The following STX17 variants were observed in gnomAD, a reference collection of about 807,000 sequenced individuals.
STX17 encodes the protein syntaxin-17.
In STX17, 29 loss-of-function variants were observed where a neutral mutation model predicts 35.9. The ratio of observed to expected loss-of-function variants is 0.81; its 90% confidence interval spans 0.60 to 1.10. The LOEUF is 1.10. Ranked by LOEUF, STX17 falls within the 50% of genes least tolerant of loss-of-function variation. The probability of loss-of-function intolerance (pLI) is 0.00; values close to 1 mark genes in which losing one functional copy is unlikely to be tolerated. For synonymous variants in STX17, 92 were observed against 118.3 expected, an observed-to-expected ratio of 0.78 and a Z score of 1.44; for missense variants, 312 against 352.3, an observed-to-expected ratio of 0.89 and a Z score of 0.92.
At chr9:99,932,966 A>G (rs925179010) in intron 3 of STX17, among the ~76,000 whole-genome samples, 1 of 152,152 alleles carries the variant, frequency 6.6e-6, no homozygotes, top group Non-Finnish European at 1.5e-5. Flanking sequence ...ATGTAGTTTA[A>G]ATTATCAATC....
chr9:99,912,712 A>G (rs747590198), intron 1 of STX17, among the ~76,000 whole-genome samples: 1 of 152,208 alleles, frequency 6.6e-6, no homozygotes, highest in African/African-American at 2.4e-5. Flanking sequence ...TAAAATTGTG[A>G]AGCATCTACG....
chr9:99,933,132 C>A (rs565454332), intron 3 of STX17, among the ~76,000 whole-genome samples: 1 of 152,102 alleles, frequency 6.6e-6, no homozygotes, highest in Non-Finnish European at 1.5e-5. Flanking sequence ...AGGTAGACAT[C>A]AATAAAATTT....
rs933647473 is a variant in STX17, at chr9:99,970,032, T to G, written c.*1359T>G. 2.6e-5 allele frequency: 4 copies of G among 152,628 alleles called. No individual in the cohort carries two copies. The highest frequency in any genetic ancestry group is 1.9e-4 in the East Asian group (1 of 5,196). 9.5% of individuals were successfully genotyped at this position (152,628 alleles called of 1,614,324 possible). On this transcript the variant is annotated 3_prime_UTR_variant, in exon 8 of 8. Coordinates refer to ENST00000259400, the MANE Select transcript of STX17 (RefSeq NM_017919.3). ...CAAGACTACAGGCAGCTCCCCTCTG[T>G]ACCCCAACTCATTTAAAATAGGAGG...
chr9:99,929,695 GTTAAA>G (rs1829071578), intron 3 of STX17: 1 of 150,756 alleles, frequency 6.6e-6, no homozygotes, highest in South Asian at 2.1e-4. Flanking sequence ...ACAATTTTTG[GTTAAA>G]TTAATATAAT....
intron 3 of STX17, among the ~76,000 whole-genome samples, chr9:99,947,494 A>T (rs1431200202): frequency 1.3e-5 from 2 of 152,128 alleles, no homozygotes; most frequent in Non-Finnish European, 2.9e-5. Context: ...TGATTGGTGG[A>T]CATTGTATTT....
chr9:99,934,053 GATTA>G (rs1200303214), intron 3 of STX17, among the ~76,000 whole-genome samples: 3 of 152,154 alleles, frequency 2.0e-5, no homozygotes, highest in East Asian at 1.9e-4. Context: ...GTCAGAATAT[GATTA>G]ATTGACAATT....
At chr9:99,939,845 TCTG>T (rs1028059101) in intron 3 of STX17, among the ~76,000 whole-genome samples, 4 of 152,236 alleles carry the variant, frequency 2.6e-5, no homozygotes, top group African/African-American at 9.6e-5. Context: ...GTTACATAGT[TCTG>T]CTCTCTCTGC....
intron 3 of STX17, among the ~76,000 whole-genome samples, chr9:99,941,792 G>T (rs1310603819): frequency 6.6e-6 from 1 of 152,072 alleles, no homozygotes; most frequent in Admixed American, 6.6e-5. Flanking sequence ...TGTCTGGCTT[G>T]TCATTTACCT....
In STX17 at chr9:99,973,108, T is replaced by C. The variant is rs1396195440; in HGVS notation, c.*4435T>C. On this transcript the variant is annotated 3_prime_UTR_variant, in exon 8 of 8. Coordinates refer to ENST00000259400, the MANE Select transcript of STX17 (RefSeq NM_017919.3). ...TGATGCCCTTTTACAAAGAAACTTCTTAGGTATTATAAACCATCAATGTAA... is the reference window on the plus strand; with the variant it reads ...TGATGCCCTTTTACAAAGAAACTTCCTAGGTATTATAAACCATCAATGTAA... Among the ~76,000 whole-genome samples, 1 of 152,148 alleles carries C rather than the reference T, an allele frequency of 6.6e-6. No individual in the cohort carries two copies. The highest frequency in any genetic ancestry group is 1.9e-4 in the East Asian group (1 of 5,196).
chr9:99,955,050 G>A (rs1447757485), intron 4 of STX17, among the ~76,000 whole-genome samples: 1 of 152,038 alleles, frequency 6.6e-6, no homozygotes, highest in Non-Finnish European at 1.5e-5. Context: ...TCCACCAAGT[G>A]AAGTGAGGAG....
At chr9:99,937,727 A>G (rs1829265253) in intron 3 of STX17, among the ~76,000 whole-genome samples, 2 of 152,046 alleles carry the variant, frequency 1.3e-5, no homozygotes, top group African/African-American at 4.8e-5. Context: ...ATTTCAGTTC[A>G]GTGATTATTT....
At chr9:99,922,787 C>T (rs1356064836) in intron 2 of STX17, among the ~76,000 whole-genome samples, 2 of 152,196 alleles carry the variant, frequency 1.3e-5, no homozygotes, top group African/African-American at 4.8e-5. Context: ...ATTCACTAGT[C>T]TAATCTTACT....
intron 1 of STX17, chr9:99,914,291 G>A (rs1261472302): frequency 1.3e-5 from 2 of 152,184 alleles, no homozygotes; most frequent in African/African-American, 4.8e-5. Flanking sequence ...TACAATGGTG[G>A]CTTTCAAGCT....
rs1477501080 is a variant in STX17 at position 99,915,251 on chromosome 9, TGAA to T, written c.16_18del (p.Glu6del). 6.2e-7 allele frequency: 1 copy of T among 1,610,456 alleles called. No individual in the cohort carries two copies. The highest frequency in any genetic ancestry group is 1.3e-5 in the African/African-American group (1 of 74,702). On this transcript the variant is annotated inframe_deletion, in exon 2 of 8. Coordinates refer to ENST00000259400, the MANE Select transcript of STX17 (RefSeq NM_017919.3). The stretch of plus-strand genomic sequence containing the variant: ...AACATTTTTTTAGGATGTCTGAAGA[TGAA>T]GAAAAAGTGAAATTACGCCGTCTTG...
chr9:99,940,282 C>T (rs1007571398), intron 3 of STX17, among the ~76,000 whole-genome samples: 1 of 151,768 alleles, frequency 6.6e-6, no homozygotes, highest in African/African-American at 2.4e-5. Flanking sequence ...AGGTGCCCAC[C>T]ACCATGCCTG....
At chr9:99,923,712 G>A (rs1828934127) in intron 2 of STX17, among the ~76,000 whole-genome samples, 1 of 152,174 alleles carries the variant, frequency 6.6e-6, no homozygotes, top group South Asian at 2.1e-4. Flanking sequence ...CCAGTCACAA[G>A]TCCAGGCCCT....
rs897097022 is a variant in STX17 at position 99,971,523 on chromosome 9, C to T, written c.*2850C>T. Among the ~76,000 whole-genome samples the T allele has an allele frequency of 1.3e-5, 2 of 151,742 alleles. No individual in the cohort carries two copies. The highest frequency in any genetic ancestry group is 4.8e-5 in the African/African-American group (2 of 41,332). On this transcript the variant is annotated 3_prime_UTR_variant, in exon 8 of 8. Transcript: ENST00000259400. The stretch of plus-strand genomic sequence containing the variant: ...GCAACCCTTAGCTTGAAAAAAACAC[C>T]CTCACAGAGGAACTGGTATTTCTTG...
Position 99,974,432 on chromosome 9 carries a change from T to G in STX17, c.*5759T>G, listed in dbSNP as rs1022917005. Among the ~76,000 whole-genome samples the G allele has an allele frequency of 5.3e-5, 8 of 152,222 alleles. No individual in the cohort carries two copies. Among genetic ancestry groups the G allele is most frequent in the Non-Finnish European group, 1.0e-4 (7 of 68,040 alleles). On this transcript the variant is annotated 3_prime_UTR_variant, in exon 8 of 8. Coordinates refer to ENST00000259400, the MANE Select transcript of STX17 (RefSeq NM_017919.3). ...CGAGAAAAGGCCCAATGGCAAGAAT[T>G]TCTGCAAACTCTGTAAAGCTTACTG...
At chr9:99,910,781 C>T (rs927439378) in intron 1 of STX17, among the ~76,000 whole-genome samples, 1 of 152,176 alleles carries the variant, frequency 6.6e-6, no homozygotes, top group African/African-American at 2.4e-5. Flanking sequence ...TGTATTCCTT[C>T]TATCTAACTG....
Sources: allele counts gnomAD v4.1 joint callset (sites outside exome capture counted in the v4.1 genomes callset), GRCh38; gene constraint gnomAD v4.1.1; transcripts MANE v1.5; gene names NCBI Gene and HGNC (gene_info 2026-07-23, HGNC 2026-07-21).